Variants in NFIB observed in about 807,000 individuals in gnomAD.
NFIB encodes nuclear factor I B, also known as nuclear factor 1 B-type.
NFIB carries 11 observed loss-of-function variants against 61.5 expected under a neutral mutation model. The ratio of observed to expected loss-of-function variants is 0.18; its 90% CI spans 0.11 to 0.30. NFIB has a LOEUF of 0.30. Among genes scored for constraint, NFIB ranks in the 10% least tolerant of loss-of-function variants. NFIB has a pLI of 1.00. For synonymous variants in NFIB, 260 were observed against 216.5 expected (o/e 1.20, Z -1.76); for missense variants, 471 against 608.9 (o/e 0.77, Z 2.38).
intron 1 of NFIB, among the ~76,000 whole-genome samples, chr9:14,349,441 A>G (rs2061078392): frequency 6.6e-6 from 1 of 152,122 alleles, no homozygotes; most frequent in Non-Finnish European, 1.5e-5. Context: ...CGAGACGCCA[A>G]AGGCATTCCG....
At chr9:14,462,383 C>T in the NFIB span, among the ~76,000 whole-genome samples, 6 of 151,720 alleles carry the variant, frequency 4.0e-5, no homozygotes. Context: ...CCCGGGTTCA[C>T]GCCATTCTCC....
intron 1 of NFIB, among the ~76,000 whole-genome samples, chr9:14,321,780 A>AT (rs1259695445): frequency 6.6e-6 from 1 of 152,236 alleles, no homozygotes; most frequent in African/African-American, 2.4e-5. Flanking sequence ...ATGCAGCACT[A>AT]TAGCCCACAA....
chr9:14,483,452 T>G, the NFIB span, among the ~76,000 whole-genome samples: 1 of 152,198 alleles, frequency 6.6e-6, no homozygotes, highest in African/African-American at 2.4e-5. Flanking sequence ...CTGGCACATT[T>G]CAGGACGCTT....
the NFIB span, among the ~76,000 whole-genome samples, chr9:14,465,572 TACACACACACACACAC>T: frequency 6.8e-6 from 1 of 146,198 alleles, no homozygotes; most frequent in African/African-American, 2.5e-5. Flanking sequence ...AATGACTTGT[TACACACACACACACAC>T]ACACACACAC....
chr9:14,429,850 C>G, the NFIB span, among the ~76,000 whole-genome samples: 44 of 152,242 alleles, frequency 2.9e-4, no homozygotes, highest in South Asian at 1.5e-3. Flanking sequence ...AAATTATTTT[C>G]TATGCATTGG....
chr9:14,200,245 G>A (rs572295296), intron 2 of NFIB, among the ~76,000 whole-genome samples: 69 of 152,252 alleles, frequency 4.5e-4, no homozygotes, highest in African/African-American at 1.6e-3. Flanking sequence ...TGAAGAAAAT[G>A]CAAATTTCCT....
chr9:14,475,964 G>A, the NFIB span, among the ~76,000 whole-genome samples: 2 of 152,000 alleles, frequency 1.3e-5, no homozygotes, highest in African/African-American at 2.4e-5. Context: ...AAAGGACCTG[G>A]ACCATAAAAA....
intron 2 of NFIB, among the ~76,000 whole-genome samples, chr9:14,192,094 T>C (rs531696696): frequency 6.6e-6 from 1 of 152,326 alleles, no homozygotes; most frequent in East Asian, 1.9e-4. Flanking sequence ...TCAGAGTTAA[T>C]TGCCATAGGA....
the NFIB span, among the ~76,000 whole-genome samples, chr9:14,467,314 C>A: frequency 2.1e-4 from 32 of 152,292 alleles, no homozygotes; most frequent in East Asian, 6.2e-3. Flanking sequence ...CTTCCCAGCA[C>A]AGCCAGCACA....
the NFIB span, among the ~76,000 whole-genome samples, chr9:14,463,789 T>C: frequency 1.3e-5 from 2 of 149,206 alleles, no homozygotes; most frequent in Non-Finnish European, 3.0e-5. Context: ...GCCTCCCGAG[T>C]AGCTGGGACT....
chr9:14,274,875 G>C (rs551535416), intron 2 of NFIB, among the ~76,000 whole-genome samples: 1 of 152,318 alleles, frequency 6.6e-6, no homozygotes, highest in South Asian at 2.1e-4. Context: ...AGTTCTGTTT[G>C]CCAGTTAGCT....
intron 1 of NFIB, among the ~76,000 whole-genome samples, chr9:14,389,620 T>C: frequency 6.6e-6 from 1 of 152,132 alleles, no homozygotes; most frequent in Non-Finnish European, 1.5e-5. Context: ...TATATAGATG[T>C]CTACTTTATA....
At chr9:14,201,752 G>GA (rs1382404980) in intron 2 of NFIB, among the ~76,000 whole-genome samples, 1 of 151,524 alleles carries the variant, frequency 6.6e-6, no homozygotes, top group African/African-American at 2.4e-5. Context: ...TATCCATGAA[G>GA]AAACTGAGAC....
At chr9:14,315,410 C>A (rs556947598), upstream of NFIB, among the ~76,000 whole-genome samples, 1 of 149,796 alleles carries the variant, frequency 6.7e-6, no homozygotes, top group African/African-American at 2.4e-5. Context: ...GCTTCGCTCT[C>A]CTCCTCCTCC....
intron 1 of NFIB, among the ~76,000 whole-genome samples, chr9:14,322,598 C>A (rs1057216196): frequency 2.0e-5 from 3 of 150,794 alleles, no homozygotes; most frequent in African/African-American, 4.9e-5. Flanking sequence ...CACCCTACCA[C>A]GGCCGGCCTG....
chr9:14,412,067 A>G, the NFIB span, among the ~76,000 whole-genome samples: 1 of 152,184 alleles, frequency 6.6e-6, no homozygotes, highest in South Asian at 2.1e-4. Flanking sequence ...CAATATCATG[A>G]TTGACTTTCA....
At chr9:14,359,172 G>C (rs988939658) in intron 1 of NFIB, among the ~76,000 whole-genome samples, 1 of 152,196 alleles carries the variant, frequency 6.6e-6, no homozygotes, top group Non-Finnish European at 1.5e-5. Context: ...GGCAGCTGTA[G>C]TGGGTTGAAT....
At chr9:14,431,983 C>A in the NFIB span, among the ~76,000 whole-genome samples, 9 of 152,172 alleles carry the variant, frequency 5.9e-5, no homozygotes, top group Non-Finnish European at 1.3e-4. Flanking sequence ...GTGCCTGACT[C>A]ATGCAGTGGG....
At chr9:14,330,052 T>C (rs1362164929) in intron 1 of NFIB, among the ~76,000 whole-genome samples, 2 of 151,902 alleles carry the variant, frequency 1.3e-5, no homozygotes, top group African/African-American at 2.4e-5. Context: ...ACTTGAACCC[T>C]GGAGGCAGAG....
Sources: gnomAD v4.1 joint callset for allele counts (sites outside exome capture counted in the v4.1 genomes callset) on GRCh38, gnomAD v4.1.1 for gene constraint, MANE v1.5 for transcripts, NCBI Gene and HGNC (gene_info 2026-07-23, HGNC 2026-07-21) for gene names.